CHD1L: variants seen among roughly 807,000 people sequenced by gnomAD.
CHD1L encodes chromodomain helicase DNA binding protein 1 like.
CHD1L carries 118 observed loss-of-function variants against 115.9 expected under a neutral mutation model. That is an observed-to-expected ratio of 1.02 (90% CI 0.88 to 1.19). The LOEUF is 1.19. Ranked by LOEUF, CHD1L falls within the 50% of genes most tolerant of loss-of-function variation. The pLI, the probability that CHD1L is intolerant of heterozygous loss-of-function variation, is 0.00. For synonymous variants in CHD1L, 411 were observed against 387.1 expected (o/e 1.06, Z -0.72); for missense variants, 1,179 against 1,065.3 (o/e 1.11, Z -1.49).
the CHD1L span, chr1:147,224,044 C>G: frequency 7.4e-6 from 3 of 405,864 alleles, no homozygotes; most frequent in Non-Finnish European, 1.5e-5. Context: ...CGGATCCCAT[C>G]GAGCTGGTTG....
At chr1:147,194,991 G>T in the CHD1L span, among the ~76,000 whole-genome samples, 1 of 151,594 alleles carries the variant, frequency 6.6e-6, no homozygotes, top group Non-Finnish European at 1.5e-5. Flanking sequence ...GTGTCTTGGA[G>T]TTGCTCTTCT....
At chr1:147,178,261 G>A in the CHD1L span, 5 of 1,613,678 alleles carry the variant, frequency 3.1e-6, no homozygotes, top group Non-Finnish European at 4.2e-6. Context: ...CCTCATGCTC[G>A]TCGAGTTCTT....
Position 147,286,323 on chromosome 1 carries a change from T to C in CHD1L, c.2044T>C (p.Tyr682His). The part of the protein sequence containing the change: ...KKMAWWESNN[Y>H]QSFCLPSEES... ...GATGGCCTGGTGGGAATCCAACAAT[T>C]ACCAGTCCTTCTGCCTGCCCTCTGA... Residue 682 changes from tyrosine to histidine, a missense_variant, in exon 18 of 23, where the codon TAC becomes CAC. Physicochemically the swap from Tyr to His is moderately conservative, Grantham distance 83. Transcript: ENST00000369258. 6.2e-7 allele frequency: 1 copy of C among 1,614,014 alleles called. No individual in the cohort carries two copies. Among genetic ancestry groups the C allele is most frequent in the African/African-American group, 1.3e-5 (1 of 75,048 alleles).
chr1:147,288,372 A>T (rs934384775), intron 19 of CHD1L, among the ~76,000 whole-genome samples: 13 of 149,770 alleles, frequency 8.7e-5, no homozygotes, highest in African/African-American at 2.9e-4. Context: ...TGGAATAAAC[A>T]TGAAGGAATA....
chr1:147,208,938 A>T, the CHD1L span: 1 of 1,614,148 alleles, frequency 6.2e-7, no homozygotes, highest in Non-Finnish European at 8.5e-7. Flanking sequence ...ATGATTGGCC[A>T]CAGATCTTCC....
intron 1 of CHD1L, among the ~76,000 whole-genome samples, chr1:147,246,057 CT>C (rs1553933633): frequency 6.6e-6 from 1 of 152,182 alleles, no homozygotes; most frequent in Non-Finnish European, 1.5e-5. Context: ...TCCCTTCTAC[CT>C]CACCAATTCC....
chr1:147,282,500 A>G (rs1383211283), intron 15 of CHD1L, among the ~76,000 whole-genome samples: 1 of 152,116 alleles, frequency 6.6e-6, no homozygotes, highest in Non-Finnish European at 1.5e-5. Context: ...TTTTGTTTCC[A>G]TGTCTCTTCT....
chr1:147,191,324 T>C, the CHD1L span, among the ~76,000 whole-genome samples: 1 of 152,128 alleles, frequency 6.6e-6, no homozygotes, highest in Non-Finnish European at 1.5e-5. Context: ...TTCCTATTTC[T>C]CCACATCCTC....
At chr1:147,252,759 T>A (rs782140949) in intron 2 of CHD1L, 24 bp downstream of exon 2, 1 of 1,535,978 alleles carries the variant, frequency 6.5e-7, no homozygotes, top group Non-Finnish European at 9.0e-7. Context: ...CGACGAGTAC[T>A]GCTCACCGCC....
intron 22 of CHD1L, 27 bp downstream of exon 22, chr1:147,294,544 G>A: frequency 1.3e-6 from 2 of 1,556,600 alleles, no homozygotes; most frequent in Non-Finnish European, 8.8e-7. Context: ...TTCATTGTGT[G>A]TTCTCCCAAC....
At chr1:147,248,454 C>T (rs1300014696) in intron 1 of CHD1L, among the ~76,000 whole-genome samples, 14 of 152,102 alleles carry the variant, frequency 9.2e-5, no homozygotes, top group East Asian at 1.9e-4. Flanking sequence ...GAGATCCTCC[C>T]GCCTCAGCCT....
At chr1:147,217,898 G>A in the CHD1L span, among the ~76,000 whole-genome samples, 2,941 of 152,170 alleles carry the variant, frequency 0.019, 80 homozygotes, top group African/African-American at 0.067. Context: ...CCCTTGAATT[G>A]TACTCATGGT....
intron 19 of CHD1L, among the ~76,000 whole-genome samples, chr1:147,290,189 C>G (rs1431348221): frequency 2.6e-5 from 4 of 152,030 alleles, no homozygotes; most frequent in Non-Finnish European, 4.4e-5. Context: ...CTCAGGAAAT[C>G]CTCCTGCCTC....
chr1:147,270,889 T>C, intron 10 of CHD1L, 43 bp from the exon 11 acceptor site: 1 of 1,562,312 alleles, frequency 6.4e-7, no homozygotes, highest in Non-Finnish European at 8.8e-7. Context: ...TGACCTTAAA[T>C]ACCACTAGAC....
chr1:147,263,354 G>A (rs587766096), intron 6 of CHD1L, among the ~76,000 whole-genome samples: 5 of 151,262 alleles, frequency 3.3e-5, no homozygotes, highest in African/African-American at 1.2e-4. Context: ...CACTTGAACC[G>A]GGAGGAGGAG....
At chr1:147,246,972 G>C (rs1553934120) in intron 1 of CHD1L, among the ~76,000 whole-genome samples, 1 of 152,070 alleles carries the variant, frequency 6.6e-6, no homozygotes, top group African/African-American at 2.4e-5. Context: ...TTAAGTCCAT[G>C]ATCTACTTTG....
chr1:147,184,532 A>G, the CHD1L span: 1 of 1,548,362 alleles, frequency 6.5e-7, no homozygotes, highest in Non-Finnish European at 8.7e-7. This position sits in a 1 kb window ranked among gnomAD's most constrained non-coding sequence, Gnocchi z 4.4. Context: ...ACAATTTCTC[A>G]GACTTTCTTT....
At chr1:147,217,196 G>A in the CHD1L span, among the ~76,000 whole-genome samples, 12 of 151,638 alleles carry the variant, frequency 7.9e-5, no homozygotes, top group Non-Finnish European at 1.6e-4. Flanking sequence ...CAGAGATAGC[G>A]CCATTGCACT....
At chr1:147,207,795 A>G in the CHD1L span, among the ~76,000 whole-genome samples, 2 of 152,272 alleles carry the variant, frequency 1.3e-5, no homozygotes, top group East Asian at 1.9e-4. Context: ...TCCCACCCTT[A>G]GGGCAAACTC....
Sources: allele counts gnomAD v4.1 joint callset (sites outside exome capture counted in the v4.1 genomes callset), GRCh38; gene constraint gnomAD v4.1.1; non-coding constraint Gnocchi (gnomAD v3.1); transcripts MANE v1.5; gene names NCBI Gene and HGNC (gene_info 2026-07-23, HGNC 2026-07-21).